Variants in CDC40 observed in about 807,000 individuals in gnomAD.
The protein encoded by CDC40 is pre-mRNA-processing factor 17.
CDC40 carries 27 observed loss-of-function variants against 80.6 expected under a neutral mutation model. That is an observed-to-expected ratio of 0.33 (90% CI 0.25 to 0.46). The LOEUF (loss-of-function observed/expected upper bound fraction) is 0.46, where lower values mean the gene tolerates loss of function less well. Among genes scored for constraint, CDC40 ranks in the 20% least tolerant of loss-of-function variants. CDC40 has a pLI of 1.00. For missense variants in CDC40, 486 were observed against 694.1 expected, an observed-to-expected ratio of 0.70 and a Z score of 3.37; for synonymous variants, 221 against 232.6, an observed-to-expected ratio of 0.95 and a Z score of 0.45.
intron 1 of CDC40, among the ~76,000 whole-genome samples, chr6:110,190,544 G>A (rs1042230850): frequency 6.6e-6 from 1 of 152,146 alleles, no homozygotes; most frequent in Non-Finnish European, 1.5e-5. Flanking sequence ...TGGGGGAATG[G>A]TAAGTTCTGT....
chr6:110,232,186 GATC>G lies in CDC40; in HGVS notation c.*2058_*2060del, dbSNP rs1777947848. The G allele has an allele frequency of 6.6e-6, 1 of 152,534 alleles. No homozygotes were observed. Among genetic ancestry groups the G allele is most frequent in the Non-Finnish European group, 1.5e-5 (1 of 68,038 alleles). 9.4% of individuals were successfully genotyped at this position (152,534 alleles called of 1,614,324 possible). On this transcript the variant is annotated 3_prime_UTR_variant, in exon 15 of 15. Coordinates refer to ENST00000307731, the MANE Select transcript of CDC40 (RefSeq NM_015891.3). Reference sequence around the variant, plus strand: ...TGTATAAAAGTCTCCTTTTTAAAAAGATCATATTTTTAAATAAAGCATTTTTTG... The same window carrying G: ...TGTATAAAAGTCTCCTTTTTAAAAAGATATTTTTAAATAAAGCATTTTTTG...
At chr6:110,209,061 T>TA in intron 4 of CDC40, 23 bp from the exon 5 acceptor site, 1 of 1,366,764 alleles carries the variant, frequency 7.3e-7, no homozygotes, top group Non-Finnish European at 1.0e-6. Flanking sequence ...GTTTTTTTTT[T>TA]AATTTTTTTT....
In CDC40 at chr6:110,212,231, C is replaced by A; in HGVS notation, c.826C>A (p.Leu276Ile). The change falls in exon 7 of 15, where the codon CTT becomes ATT. Residue 276 changes from leucine (L) to isoleucine (I), a missense_variant. Physicochemically the swap from Leu to Ile is conservative, Grantham distance 5 (BLOSUM62 2). This residue lies in a region of CDC40 where 381 missense variants were observed against 492.1 expected (regional missense o/e 0.77). Coordinates refer to ENST00000307731, the MANE Select transcript of CDC40 (RefSeq NM_015891.3). Reference sequence around the variant, plus strand: ...AACTATGCCACCTGAGAAGTGTTATCTTCCCAAAAAACAAATTCATGTGTG... The same window carrying A: ...AACTATGCCACCTGAGAAGTGTTATATTCCCAAAAAACAAATTCATGTGTG... ...RSTMPPEKCY[L>I]PKKQIHVWSG... The A allele has an allele frequency of 6.2e-7, 1 of 1,614,010 alleles. No homozygotes were observed. Among genetic ancestry groups the A allele is most frequent in the East Asian group, 2.2e-5 (1 of 44,858 alleles).
chr6:110,188,920 CCTA>C (rs1777309731), intron 1 of CDC40, among the ~76,000 whole-genome samples: 1 of 152,160 alleles, frequency 6.6e-6, no homozygotes, highest in Non-Finnish European at 1.5e-5. Context: ...TTTATTTCTG[CCTA>C]CTTGTCAAAG....
chr6:110,224,501 G>T (rs1438259226), intron 12 of CDC40: 1 of 152,290 alleles, frequency 6.6e-6, no homozygotes, highest in African/African-American at 2.4e-5. Flanking sequence ...CAATTCTCCT[G>T]CCTCAGCCTC....
At chr6:110,205,097 T>C (rs1777546476) in intron 3 of CDC40, among the ~76,000 whole-genome samples, 1 of 152,218 alleles carries the variant, frequency 6.6e-6, no homozygotes, top group South Asian at 2.1e-4. Flanking sequence ...TTCATATATT[T>C]ATGACCATTC....
chr6:110,224,754 G>A lies in CDC40; in HGVS notation c.1341-1413G>A, dbSNP rs768341220. ...TTTGCTAGAAATAATGAAGTCCACC[G>A]GGTAGTTCAAATTCTTCTTCCACAG... On this transcript the variant is annotated intron_variant, in intron 12 of 14. Coordinates refer to ENST00000307731, the MANE Select transcript of CDC40 (RefSeq NM_015891.3). Among the ~76,000 whole-genome samples the A allele has an allele frequency of 5.3e-5, 8 of 152,082 alleles. No homozygotes were observed. The South Asian group carries it at 1.2e-3, about 24-fold the overall frequency.
intron 2 of CDC40, among the ~76,000 whole-genome samples, chr6:110,200,193 A>G (rs1340458941): frequency 6.6e-6 from 1 of 152,254 alleles, no homozygotes; most frequent in East Asian, 1.9e-4. Flanking sequence ...GGAAGCTGTC[A>G]ATATATAGGA....
intron 1 of CDC40, among the ~76,000 whole-genome samples, chr6:110,191,893 AT>A (rs1461707040): frequency 6.6e-6 from 1 of 152,214 alleles, no homozygotes; most frequent in Non-Finnish European, 1.5e-5. Flanking sequence ...ATGATATATA[AT>A]TTCTTTACAA....
intron 2 of CDC40, among the ~76,000 whole-genome samples, chr6:110,200,433 G>A (rs1777480311): frequency 6.6e-6 from 1 of 151,076 alleles, no homozygotes; most frequent in African/African-American, 2.5e-5. Context: ...CATCATGACG[G>A]TGGGTCTTAC....
At chr6:110,207,653 G>T in intron 4 of CDC40, 64 bp downstream of exon 4, 1 of 885,558 alleles carries the variant, frequency 1.1e-6, no homozygotes, top group East Asian at 2.4e-5. Context: ...GTCTTGCAGA[G>T]TGACTTTAAT....
intron 4 of CDC40, 53 bp from the exon 5 acceptor site, chr6:110,209,031 T>A: frequency 9.3e-7 from 1 of 1,072,774 alleles, no homozygotes. Flanking sequence ...TTAGAAAATG[T>A]ACATCTTTGT....
chr6:110,196,455 A>T (rs1777420446), intron 2 of CDC40, among the ~76,000 whole-genome samples: 1 of 152,094 alleles, frequency 6.6e-6, no homozygotes, highest in Non-Finnish European at 1.5e-5. Flanking sequence ...TCTTCATTTC[A>T]CTCAATTCTT....
intron 14 of CDC40, among the ~76,000 whole-genome samples, chr6:110,229,312 TTGAA>T (rs995651859): frequency 3.3e-5 from 5 of 152,274 alleles, no homozygotes; most frequent in Non-Finnish European, 5.9e-5. Flanking sequence ...ATTGCTATGA[TTGAA>T]TGAACACCAG....
At chr6:110,194,534 C>T (rs1277971875) in intron 2 of CDC40, among the ~76,000 whole-genome samples, 9 of 152,172 alleles carry the variant, frequency 5.9e-5, no homozygotes, top group Non-Finnish European at 1.3e-4. Context: ...TGAGTCTGCA[C>T]TTAGCAAAAA....
chr6:110,229,312 T>C (rs189196103), intron 14 of CDC40, among the ~76,000 whole-genome samples: 82 of 152,274 alleles, frequency 5.4e-4, no homozygotes, highest in African/African-American at 9.4e-4. Flanking sequence ...ATTGCTATGA[T>C]TGAATGAACA....
Position 110,180,630 on chromosome 6 carries a change from T to C in CDC40, c.186T>C (p.Val62=), listed in dbSNP as rs752044917. Residue 62 remains valine, a synonymous_variant, in exon 1 of 15, where the codon GTT becomes GTC. Transcript: ENST00000307731. Reference sequence around the variant, plus strand: ...TGGACTCGGCTCCGGAGGTGGCAGTTAAGGTAAGCACTTTTGCTACTAATG... The same window carrying C: ...TGGACTCGGCTCCGGAGGTGGCAGTCAAGGTAAGCACTTTTGCTACTAATG... ...VAVDSAPEVA[V]KEDLETGVHL... 20 of 1,611,480 alleles carry C rather than the reference T, an allele frequency of 1.2e-5. No homozygotes were observed. Among genetic ancestry groups the C allele is most frequent in the Admixed American group, 3.3e-5 (2 of 59,994 alleles).
chr6:110,226,909 A>G (rs1222047702), intron 13 of CDC40, among the ~76,000 whole-genome samples: 1 of 152,032 alleles, frequency 6.6e-6, no homozygotes, highest in East Asian at 1.9e-4. Flanking sequence ...AGCCCTAGCT[A>G]CTTGGTCAGG....
At chr6:110,224,731 T>C (rs1297634997) in intron 12 of CDC40, among the ~76,000 whole-genome samples, 1 of 152,230 alleles carries the variant, frequency 6.6e-6, no homozygotes, top group Admixed American at 6.5e-5. Flanking sequence ...CAGGCATTTT[T>C]GCTAGAAATA....
Sources: allele counts gnomAD v4.1 joint callset (sites outside exome capture counted in the v4.1 genomes callset), GRCh38; gene constraint gnomAD v4.1.1; regional missense constraint gnomAD v4.1.1; transcripts MANE v1.5; gene names NCBI Gene and HGNC (gene_info 2026-07-23, HGNC 2026-07-21).